The following DENND5A variants were observed in gnomAD, a reference collection of about 807,000 sequenced individuals.
DENND5A encodes DENN domain containing 5A.
DENND5A carries 64 observed loss-of-function variants against 140.3 expected under a neutral mutation model. That is an observed-to-expected ratio of 0.46 (90% confidence interval 0.37 to 0.56). DENND5A has a LOEUF of 0.56. Ranked by LOEUF, DENND5A falls within the 20% of genes least tolerant of loss-of-function variation. DENND5A has a pLI of 0.00. For synonymous variants in DENND5A, 605 were observed against 607.7 expected, an observed-to-expected ratio of 1.00 and a Z score of 0.07; for missense variants, 1,292 against 1,593.8, an observed-to-expected ratio of 0.81 and a Z score of 3.22.
chr11:9,256,665 A>G (rs982013724), intron 1 of DENND5A, among the ~76,000 whole-genome samples: 1 of 152,194 alleles, frequency 6.6e-6, no homozygotes, highest in Non-Finnish European at 1.5e-5. Context: ...CTCCATTTAT[A>G]TGAAATGTCA....
intron 16 of DENND5A, 100 bp downstream of exon 16, chr11:9,146,930 G>T: frequency 7.3e-7 from 1 of 1,374,210 alleles, no homozygotes. Context: ...AAAGTACAAG[G>T]GATAATCTTC....
At position 9,156,854 on chromosome 11, in the gene DENND5A, G is replaced by T. The variant is rs536712598; in HGVS notation, c.2436+3859C>A. ...GGGGAAGGAGGGAAGGAGGGACAGA[G>T]GGATGGAAGGATGGATGGAAGGAAG... On this transcript the variant is annotated intron_variant, in intron 12 of 22. Transcript: ENST00000328194. 1.5e-5 allele frequency among the ~76,000 whole-genome samples: 2 copies of T among 136,428 alleles called. 1 individual carries two copies. The highest frequency in any genetic ancestry group is 4.8e-4 in the South Asian group (2 of 4,130). The allele number at this position is 136,428 out of a possible 152,430, so 89.5% of individuals were successfully genotyped here.
At chr11:9,163,429 T>G (rs1848059258) in intron 11 of DENND5A, among the ~76,000 whole-genome samples, 1 of 152,206 alleles carries the variant, frequency 6.6e-6, no homozygotes, top group Non-Finnish European at 1.5e-5. Flanking sequence ...ATGTCTAAAA[T>G]TGATATGTAT....
At position 9,160,857 on chromosome 11, in the gene DENND5A, C is replaced by T; in HGVS notation, c.2292G>A (p.Arg764=). Residue 764 remains arginine (R), a synonymous_variant, in exon 12 of 23, where the codon AGG becomes AGA. Coordinates refer to ENST00000328194, the MANE Select transcript of DENND5A (RefSeq NM_015213.4). ...LLKECRNKTK[R]MLVEKMGREA... is the part of the protein sequence containing the mutation. ...CTCGGCCCATCTTTTCCACCAGCAT[C>T]CTCTTGGTCTACAAGGAAGCAGTCA... 1 of 1,613,948 alleles carries T rather than the reference C, an allele frequency of 6.2e-7. No individual in the cohort carries two copies.
At chr11:9,179,500 C>CT (rs55812362) in intron 6 of DENND5A, among the ~76,000 whole-genome samples, 1,500 of 138,416 alleles carry the variant, frequency 0.011, 21 homozygotes, top group African/African-American at 0.02. Flanking sequence ...GCAAAAAAAC[C>CT]TTTTTTTTTT....
At chr11:9,140,622 C>A (rs1484802703) in intron 22 of DENND5A, among the ~76,000 whole-genome samples, 1 of 152,174 alleles carries the variant, frequency 6.6e-6, no homozygotes, top group Non-Finnish European at 1.5e-5. Flanking sequence ...AGCTCAGGGG[C>A]CCTACCCTCC....
intron 1 of DENND5A, among the ~76,000 whole-genome samples, chr11:9,258,693 C>G (rs1461585981): frequency 2.0e-5 from 3 of 152,058 alleles, no homozygotes; most frequent in African/African-American, 7.2e-5. Flanking sequence ...CAAAGGTCTG[C>G]AAAGCATGCA....
intron 13 of DENND5A, among the ~76,000 whole-genome samples, 193 bp from the exon 14 acceptor site, chr11:9,150,957 C>T (rs1198566111): frequency 6.6e-6 from 1 of 152,192 alleles, no homozygotes; most frequent in East Asian, 1.9e-4. Context: ...GATATTATCT[C>T]ATTTAATTCT....
At chr11:9,173,364 G>T (rs1316989271) in intron 8 of DENND5A, among the ~76,000 whole-genome samples, 1 of 152,208 alleles carries the variant, frequency 6.6e-6, no homozygotes, top group African/African-American at 2.4e-5. Context: ...TAATGTATTA[G>T]ATTTTGTACT....
chr11:9,250,496 C>T (rs893394576), intron 1 of DENND5A, among the ~76,000 whole-genome samples: 1 of 152,052 alleles, frequency 6.6e-6, no homozygotes, highest in Non-Finnish European at 1.5e-5. Flanking sequence ...TGCATTTCAA[C>T]GATTATGCCA....
intron 2 of DENND5A, chr11:9,207,300 T>G (rs2136216741): frequency 2.0e-6 from 1 of 503,906 alleles, no homozygotes; most frequent in East Asian, 3.7e-5. Context: ...CAATTCAGAA[T>G]TACTTGAAAT....
chr11:9,199,772 T>C (rs1452034876), intron 4 of DENND5A, among the ~76,000 whole-genome samples: 2 of 152,240 alleles, frequency 1.3e-5, no homozygotes, highest in Non-Finnish European at 2.9e-5. Context: ...GCAGTGGTGA[T>C]AGCTTGTTTT....
chr11:9,193,117 A>C (rs2136195114), intron 5 of DENND5A, among the ~76,000 whole-genome samples: 1 of 152,156 alleles, frequency 6.6e-6, no homozygotes. Context: ...AGTCCCAACT[A>C]CTCAGGAGGC....
chr11:9,203,112 T>A (rs1301294954), intron 4 of DENND5A, among the ~76,000 whole-genome samples: 1 of 152,228 alleles, frequency 6.6e-6, no homozygotes, highest in Non-Finnish European at 1.5e-5. Flanking sequence ...AATTTCATGT[T>A]ACTAGCCTGG....
chr11:9,238,838 T>C (rs899269942), intron 1 of DENND5A, among the ~76,000 whole-genome samples: 1 of 151,462 alleles, frequency 6.6e-6, no homozygotes, highest in Non-Finnish European at 1.5e-5. Flanking sequence ...TTTTTCTTTT[T>C]TTTTTTTTTG....
At chr11:9,181,176 A>T in intron 5 of DENND5A, 92 bp from the exon 6 acceptor site, 1 of 1,057,548 alleles carries the variant, frequency 9.5e-7, no homozygotes, top group Non-Finnish European at 1.4e-6. Context: ...GGGCAAAAAC[A>T]AAACACCTGA....
In DENND5A at chr11:9,253,850, G is replaced by A. The variant is rs572467881; in HGVS notation, c.109+11111C>T. ...CACTGCACTTTGGCCTGGGCAACAG[G>A]GTGAGACCCTGTCTCAAAAAAACAA... On this transcript the variant is annotated intron_variant, in intron 1 of 22. Transcript: ENST00000328194. Among the ~76,000 whole-genome samples the A allele has an allele frequency of 3.3e-5, 5 of 151,190 alleles. No homozygotes were observed. The South Asian group carries it at 8.4e-4, about 25-fold the overall frequency.
chr11:9,174,220 A>G (rs1848477202), intron 8 of DENND5A, among the ~76,000 whole-genome samples: 6 of 151,832 alleles, frequency 4.0e-5, no homozygotes, highest in Admixed American at 3.9e-4. Context: ...ATAGAAAACA[A>G]ACAGCAAAAT....
chr11:9,210,577 T>C (rs975139386), intron 1 of DENND5A, among the ~76,000 whole-genome samples: 20 of 152,232 alleles, frequency 1.3e-4, no homozygotes, highest in African/African-American at 4.1e-4. Flanking sequence ...AAGGTCACAC[T>C]CTGTTGCCCA....
Sources: gnomAD v4.1 joint callset for allele counts (sites outside exome capture counted in the v4.1 genomes callset) on GRCh38, gnomAD v4.1.1 for gene constraint, MANE v1.5 for transcripts, NCBI Gene and HGNC (gene_info 2026-07-23, HGNC 2026-07-21) for gene names.